RPS6KC1: variants seen among roughly 807,000 people sequenced by gnomAD.
RPS6KC1 encodes the protein ribosomal protein S6 kinase C1.
In RPS6KC1, 54 loss-of-function variants were observed where a neutral mutation model predicts 103.8. The ratio of observed to expected loss-of-function variants is 0.52; its 90% CI spans 0.42 to 0.65. RPS6KC1 has a LOEUF of 0.65. Among genes scored for constraint, RPS6KC1 ranks in the 30% least tolerant of loss-of-function variants. The pLI, the probability that RPS6KC1 is intolerant of heterozygous loss-of-function variation, is 0.00. For missense variants in RPS6KC1, 1,151 were observed against 1,253.8 expected, an observed-to-expected ratio of 0.92 and a Z score of 1.24; for synonymous variants, 439 against 438.7, an observed-to-expected ratio of 1.00 and a Z score of -0.01.
the RPS6KC1 span, among the ~76,000 whole-genome samples, chr1:213,512,947 T>G: frequency 3.9e-4 from 60 of 152,320 alleles, no homozygotes; most frequent in African/African-American, 1.4e-3. Context: ...GATCTGTTTT[T>G]TACCTATGGT....
chr1:213,665,295 A>G, the RPS6KC1 span, among the ~76,000 whole-genome samples: 8 of 152,166 alleles, frequency 5.3e-5, no homozygotes, highest in Non-Finnish European at 2.9e-5. Context: ...CAAAGAGGTT[A>G]AGATCCTTAA....
At chr1:213,439,621 T>G in the RPS6KC1 span, among the ~76,000 whole-genome samples, 1 of 152,266 alleles carries the variant, frequency 6.6e-6, no homozygotes, top group East Asian at 1.9e-4. Context: ...AGGGAAAATT[T>G]GAACTCAGAT....
At chr1:213,462,123 A>G in the RPS6KC1 span, among the ~76,000 whole-genome samples, 2 of 152,248 alleles carry the variant, frequency 1.3e-5, no homozygotes, top group African/African-American at 4.8e-5. Flanking sequence ...GACACTTCTC[A>G]AAAGACATTT....
the RPS6KC1 span, among the ~76,000 whole-genome samples, chr1:213,534,124 T>C: frequency 6.6e-6 from 1 of 152,196 alleles, no homozygotes; most frequent in Non-Finnish European, 1.5e-5. Flanking sequence ...GAGTATTGTC[T>C]TGGAAAAGAA....
chr1:213,631,461 T>C, the RPS6KC1 span, among the ~76,000 whole-genome samples: 589 of 152,266 alleles, frequency 3.9e-3, 8 homozygotes, highest in African/African-American at 0.013. Flanking sequence ...TCTTGGCTGT[T>C]CCTTTACTGA....
At chr1:213,571,241 G>T in the RPS6KC1 span, among the ~76,000 whole-genome samples, 1 of 152,162 alleles carries the variant, frequency 6.6e-6, no homozygotes, top group Non-Finnish European at 1.5e-5. Flanking sequence ...TGACTCAACT[G>T]ATTTTTATTG....
the RPS6KC1 span, among the ~76,000 whole-genome samples, chr1:213,516,426 A>G: frequency 8.6e-5 from 13 of 151,986 alleles, no homozygotes; most frequent in Non-Finnish European, 1.2e-4. Context: ...TTTATTGAGA[A>G]TTTTTAGCAT....
the RPS6KC1 span, among the ~76,000 whole-genome samples, chr1:213,752,876 C>T: frequency 7.9e-5 from 12 of 152,302 alleles, no homozygotes; most frequent in South Asian, 2.1e-3. Flanking sequence ...TTATAATCCA[C>T]TTCCAAGCCA....
intron 1 of RPS6KC1, among the ~76,000 whole-genome samples, chr1:213,054,402 T>C (rs372431855): frequency 1.3e-5 from 2 of 152,230 alleles, no homozygotes; most frequent in East Asian, 3.8e-4. Flanking sequence ...GACATACTTT[T>C]AAAATAACTG....
the RPS6KC1 span, among the ~76,000 whole-genome samples, chr1:213,756,265 G>C: frequency 2.0e-5 from 3 of 152,198 alleles, no homozygotes; most frequent in Non-Finnish European, 4.4e-5. Context: ...TTCCAGAAAT[G>C]GATTCTGCAA....
intron 8 of RPS6KC1, chr1:213,205,299 T>C (rs2093305968): frequency 1.0e-6 from 1 of 984,820 alleles, no homozygotes. Context: ...CATATTGGGA[T>C]TCTGGAAGGA....
chr1:213,212,164 C>A (rs1014959057), intron 8 of RPS6KC1, among the ~76,000 whole-genome samples: 28 of 152,104 alleles, frequency 1.8e-4, no homozygotes, highest in African/African-American at 6.8e-4. Flanking sequence ...TGTATAATGA[C>A]CATGTATCCA....
At chr1:213,745,176 T>C in the RPS6KC1 span, among the ~76,000 whole-genome samples, 2 of 152,246 alleles carry the variant, frequency 1.3e-5, no homozygotes, top group Middle Eastern at 3.4e-3. Context: ...GAAAAATAGG[T>C]TGAAGGAACT....
chr1:213,538,153 A>G, the RPS6KC1 span, among the ~76,000 whole-genome samples: 4 of 152,246 alleles, frequency 2.6e-5, no homozygotes, highest in South Asian at 8.3e-4. Context: ...CCTTCCTTTG[A>G]GAAGATCCTT....
rs1240210662 is a variant in RPS6KC1 at position 213,273,855 on chromosome 1, AAAG to A, written c.*1228_*1230del. 6.6e-6 allele frequency: 1 copy of A among 152,212 alleles called. No homozygotes were observed. The highest frequency in any genetic ancestry group is 2.4e-5 in the African/African-American group (1 of 41,446). 9.4% of individuals were successfully genotyped at this position (152,212 alleles called of 1,614,324 possible). On this transcript the variant is annotated 3_prime_UTR_variant, in exon 15 of 15. Coordinates refer to ENST00000366960, the MANE Select transcript of RPS6KC1 (RefSeq NM_012424.6). ...ATCTGTTTTTTTTTAAACGTTAGCC[AAAG>A]AAGAAGTCACTATTTCCAAGTTAGA...
At chr1:213,227,653 A>G (rs982489423) in intron 8 of RPS6KC1, among the ~76,000 whole-genome samples, 3 of 152,162 alleles carry the variant, frequency 2.0e-5, no homozygotes, top group African/African-American at 7.2e-5. Context: ...GGACTGCGCT[A>G]TACTCCTAGA....
At chr1:213,499,152 T>A in the RPS6KC1 span, among the ~76,000 whole-genome samples, 107 of 152,272 alleles carry the variant, frequency 7.0e-4, 2 homozygotes, top group East Asian at 0.018. Flanking sequence ...CCTTTAAAGA[T>A]CATGATGCCT....
At chr1:213,577,974 C>G in the RPS6KC1 span, among the ~76,000 whole-genome samples, 1 of 152,186 alleles carries the variant, frequency 6.6e-6, no homozygotes, top group Non-Finnish European at 1.5e-5. Flanking sequence ...AAAATGTCTC[C>G]AGGGCATGTC....
At chr1:213,210,939 A>G (rs913968259) in intron 8 of RPS6KC1, among the ~76,000 whole-genome samples, 3 of 152,248 alleles carry the variant, frequency 2.0e-5, no homozygotes, top group African/African-American at 7.2e-5. Flanking sequence ...CCCTGATTCT[A>G]TAAACGAGAA....
Sources: allele counts gnomAD v4.1 joint callset (sites outside exome capture counted in the v4.1 genomes callset), GRCh38; gene constraint gnomAD v4.1.1; transcripts MANE v1.5; gene names NCBI Gene and HGNC (gene_info 2026-07-23, HGNC 2026-07-21).